The following KCNAB1 variants were observed in gnomAD, a reference collection of about 807,000 sequenced individuals.
KCNAB1 encodes voltage-gated potassium channel subunit beta-1.
In KCNAB1, 35 loss-of-function variants were observed where a neutral mutation model predicts 64.6. That is an observed-to-expected ratio of 0.54 (90% CI 0.41 to 0.72). The LOEUF is 0.72. Ranked by LOEUF, KCNAB1 falls within the 30% of genes least tolerant of loss-of-function variation. The pLI is 0.00. For missense variants in KCNAB1, 401 were observed against 512.9 expected (o/e 0.78, Z 2.11); for synonymous variants, 177 against 183.8 (o/e 0.96, Z 0.30).
intron 1 of KCNAB1, among the ~76,000 whole-genome samples, chr3:156,350,418 C>T (rs1245788483): frequency 1.3e-5 from 2 of 151,382 alleles, no homozygotes; most frequent in East Asian, 1.9e-4. Context: ...CATGGCAGAA[C>T]GTGCCTATAG....
At chr3:156,143,552 T>C (rs1195426722) in intron 1 of KCNAB1, 4 of 554,336 alleles carry the variant, frequency 7.2e-6, no homozygotes, top group Non-Finnish European at 1.2e-5. Context: ...TGAGCCCTCT[T>C]CTTGGGTTGC....
chr3:156,258,740 T>C (rs1718250155), intron 1 of KCNAB1, among the ~76,000 whole-genome samples: 1 of 152,234 alleles, frequency 6.6e-6, no homozygotes, highest in South Asian at 2.1e-4. Context: ...AACTCACTCC[T>C]ACTCAATTAA....
At chr3:156,349,084 C>T (rs576538002) in intron 1 of KCNAB1, among the ~76,000 whole-genome samples, 2 of 152,304 alleles carry the variant, frequency 1.3e-5, no homozygotes, top group South Asian at 4.1e-4. Flanking sequence ...AACTGAGACA[C>T]AGGGAAGTTA....
chr3:156,433,497 G>A (rs151287354), intron 2 of KCNAB1, among the ~76,000 whole-genome samples: 1 of 152,286 alleles, frequency 6.6e-6, no homozygotes, highest in Non-Finnish European at 1.5e-5. Context: ...CCTGGAGGAA[G>A]AGTAGTAAAG....
intron 1 of KCNAB1, chr3:156,176,875 G>A: frequency 8.5e-7 from 1 of 1,173,978 alleles, no homozygotes; most frequent in South Asian, 1.3e-5. Context: ...GGGACCAGCG[G>A]TAACTCTGGG....
chr3:156,434,535 G>T (rs1453510412), intron 2 of KCNAB1, among the ~76,000 whole-genome samples: 1 of 151,978 alleles, frequency 6.6e-6, no homozygotes, highest in Non-Finnish European at 1.5e-5. Context: ...ATCAGAAAAA[G>T]ATCTCTAATA....
At chr3:156,285,448 G>A (rs1720045985) in intron 1 of KCNAB1, among the ~76,000 whole-genome samples, 1 of 151,730 alleles carries the variant, frequency 6.6e-6, no homozygotes, top group Non-Finnish European at 1.5e-5. Context: ...ACAAGCTTAT[G>A]AGAAGTTAAC....
chr3:156,289,779 A>G (rs1160773199), intron 1 of KCNAB1, among the ~76,000 whole-genome samples: 2 of 152,240 alleles, frequency 1.3e-5, no homozygotes, highest in Non-Finnish European at 2.9e-5. Context: ...TTGGAATAGA[A>G]TGCAACACAG....
chr3:156,182,629 T>TTCCC (rs1491347693), intron 1 of KCNAB1, among the ~76,000 whole-genome samples: 1 of 120,444 alleles, frequency 8.3e-6, no homozygotes, highest in Non-Finnish European at 1.8e-5. Context: ...GGTTTTTTTT[T>TTCCC]CCCCCCCCCG....
Position 156,246,868 on chromosome 3 carries a change from G to A in KCNAB1, c.275+125982G>A, listed in dbSNP as rs546808855. On this transcript the variant is annotated intron_variant, in intron 1 of 13. Coordinates refer to ENST00000490337, the MANE Select transcript of KCNAB1 (RefSeq NM_172160.3). ...AGTGTTTATAAACAAGGGATAACAG[G>A]AACTTTTTTTGTGTAAGTGCTCTGT... is the stretch of plus-strand genomic sequence containing the variant. Among the ~76,000 whole-genome samples, 8 of 152,264 alleles carry A rather than the reference G, an allele frequency of 5.3e-5. No homozygotes were observed. The South Asian group carries it at 1.7e-3, about 32-fold the overall frequency.
At chr3:156,366,561 G>A (rs896923299) in intron 1 of KCNAB1, among the ~76,000 whole-genome samples, 42 of 152,170 alleles carry the variant, frequency 2.8e-4, no homozygotes, top group Non-Finnish European at 4.9e-4. Flanking sequence ...TAGCCATAGC[G>A]TGGAGCTCCC....
intron 2 of KCNAB1, among the ~76,000 whole-genome samples, chr3:156,435,377 T>C (rs1249285179): frequency 2.6e-5 from 4 of 152,156 alleles, no homozygotes; most frequent in Non-Finnish European, 5.9e-5. Flanking sequence ...AACAGAGGAC[T>C]GTTGAGGGTC....
At chr3:156,183,864 G>A (rs1340992709) in intron 1 of KCNAB1, among the ~76,000 whole-genome samples, 2 of 152,326 alleles carry the variant, frequency 1.3e-5, no homozygotes, top group Non-Finnish European at 2.9e-5. Flanking sequence ...TGCTCTGTAA[G>A]TGCTATTGAC....
intron 1 of KCNAB1, among the ~76,000 whole-genome samples, chr3:156,299,380 C>T (rs1451830769): frequency 1.3e-5 from 2 of 152,228 alleles, no homozygotes; most frequent in Non-Finnish European, 1.5e-5. Flanking sequence ...ACAGTGCTGC[C>T]ACAGAGGCTC....
At chr3:156,173,349 G>A (rs1213505812) in intron 1 of KCNAB1, among the ~76,000 whole-genome samples, 2 of 152,192 alleles carry the variant, frequency 1.3e-5, no homozygotes, top group Non-Finnish European at 2.9e-5. Flanking sequence ...ACAATGGGAA[G>A]AAGAGGGTCT....
intron 1 of KCNAB1, among the ~76,000 whole-genome samples, chr3:156,264,517 A>G (rs1032745438): frequency 1.3e-5 from 2 of 151,802 alleles, no homozygotes; most frequent in African/African-American, 2.4e-5. Context: ...TTCATTTTTA[A>G]AAATATTTCT....
At chr3:156,174,327 A>T (rs1270545405) in intron 1 of KCNAB1, among the ~76,000 whole-genome samples, 1 of 152,202 alleles carries the variant, frequency 6.6e-6, no homozygotes, top group African/African-American at 2.4e-5. Flanking sequence ...GGAATTAGAA[A>T]CATTATGTAG....
chr3:156,423,134 CT>C (rs542629019), intron 2 of KCNAB1, among the ~76,000 whole-genome samples: 428 of 152,274 alleles, frequency 2.8e-3, no homozygotes, highest in African/African-American at 1.0e-2. Context: ...GAAGGCTACT[CT>C]TTTGGATGAT....
At chr3:156,292,722 TA>T (rs1244702716) in intron 1 of KCNAB1, among the ~76,000 whole-genome samples, 3 of 152,154 alleles carry the variant, frequency 2.0e-5, no homozygotes, top group Non-Finnish European at 2.9e-5. Context: ...TTTATGTTTT[TA>T]ATAGAAAAGA....
Sources: gnomAD v4.1 joint callset for allele counts (sites outside exome capture counted in the v4.1 genomes callset) on GRCh38, gnomAD v4.1.1 for gene constraint, MANE v1.5 for transcripts, NCBI Gene and HGNC (gene_info 2026-07-23, HGNC 2026-07-21) for gene names.